MCOLN3: variants seen among roughly 807,000 people sequenced by gnomAD.
MCOLN3 encodes the protein mucolipin TRP cation channel 3, also known as mucolipin-3.
MCOLN3 carries 62 observed loss-of-function variants against 69.4 expected under a neutral mutation model. That is an observed-to-expected ratio of 0.89 (90% CI 0.73 to 1.10). MCOLN3 has a LOEUF of 1.10. Ranked by LOEUF, MCOLN3 falls within the 50% of genes least tolerant of loss-of-function variation. MCOLN3 has a pLI of 0.00. For synonymous variants in MCOLN3, 183 were observed against 217.0 expected (o/e 0.84, Z 1.38); for missense variants, 564 against 656.4 (o/e 0.86, Z 1.54).
intron 1 of MCOLN3, among the ~76,000 whole-genome samples, chr1:85,048,028 G>A (rs1046819996): frequency 6.6e-6 from 1 of 152,222 alleles, no homozygotes; most frequent in South Asian, 2.1e-4. Context: ...AGCCCCGGCC[G>A]GCATCCAAGC....
At position 85,034,225 on chromosome 1, in the gene MCOLN3, A is replaced by T; in HGVS notation, c.423T>A (p.Val141=). Residue 141 remains valine (V), a synonymous_variant, in exon 4 of 13, where the codon GTT becomes GTA. Transcript: ENST00000370589. The stretch of plus-strand genomic sequence containing the variant: ...CTTTGTTCTCATAAGCATGATTCCC[A>T]ACGGAGACATTGTATAGCTGCAAGT... ...NQYLQLYNVS[V]GNHAYENKGT... The T allele has an allele frequency of 6.2e-7, 1 of 1,614,190 alleles. No individual in the cohort carries two copies. Among genetic ancestry groups the T allele is most frequent in the Non-Finnish European group, 8.5e-7 (1 of 1,180,020 alleles).
chr1:85,043,643 T>C (rs1653191056), intron 2 of MCOLN3, among the ~76,000 whole-genome samples: 1 of 152,306 alleles, frequency 6.6e-6, no homozygotes, highest in South Asian at 2.1e-4. Flanking sequence ...TCATGTTCAA[T>C]TGATACAGGC....
At chr1:85,022,543 C>G (rs979592992) in intron 9 of MCOLN3, 143 bp from the exon 10 acceptor site, 1 of 579,896 alleles carries the variant, frequency 1.7e-6, no homozygotes, top group Admixed American at 3.4e-5. Flanking sequence ...TCTCATAAAG[C>G]TTACATTCTA....
At position 85,018,592 on chromosome 1, in the gene MCOLN3, G is replaced by A. The variant is rs546670764; in HGVS notation, c.*531C>T. ...TGGCCGTATCACATTGTTAGCTGGT[G>A]CGCTCTTATTCTGGTGCGCTCTTAT... is the stretch of plus-strand genomic sequence containing the variant. On this transcript the variant is annotated 3_prime_UTR_variant, in exon 13 of 13. Transcript: ENST00000370589. The A allele has an allele frequency of 6.6e-6, 1 of 152,592 alleles. No homozygotes were observed. Among genetic ancestry groups the A allele is most frequent in the Admixed American group, 6.5e-5 (1 of 15,298 alleles). The allele number at this position is 152,592 out of a possible 1,614,324, so 9.5% of individuals were successfully genotyped here. A position where few individuals can be genotyped will look rare whatever the true frequency, so the allele number is the denominator to read the frequency against.
intron 1 of MCOLN3, among the ~76,000 whole-genome samples, chr1:85,048,153 C>G (rs1278983510): frequency 1.3e-5 from 2 of 152,154 alleles, no homozygotes; most frequent in African/African-American, 4.8e-5. Context: ...CCGCCCAGCC[C>G]CGGGCAGGCC....
intron 3 of MCOLN3, among the ~76,000 whole-genome samples, chr1:85,038,951 C>T (rs577900758): frequency 6.6e-5 from 10 of 152,090 alleles, no homozygotes; most frequent in South Asian, 2.1e-4. Context: ...GCCAAGATTG[C>T]GCCACTGCAC....
chr1:85,041,063 CAT>C lies in MCOLN3; in HGVS notation c.341_342del (p.Tyr114CysfsTer7). 1 of 1,614,016 alleles carries C rather than the reference CAT, an allele frequency of 6.2e-7. No individual in the cohort carries two copies. Among genetic ancestry groups the C allele is most frequent in the Non-Finnish European group, 8.5e-7 (1 of 1,179,936 alleles). On this transcript the variant is annotated frameshift_variant, in exon 3 of 13. Transcript: ENST00000370589. LOFTEE classifies it high-confidence loss of function. ...TACACGTCACTTTGTGTGTACACTG[CAT>C]ATGTGTCATCCATTCGGTCCATATA... ...KGYMDRMDDT[Y>X]AVYTQSDVYD...
rs1238232439 is a variant in MCOLN3, at chr1:85,022,156, C to T, written c.1234G>A (p.Val412Ile). 7 of 1,614,028 alleles carry T rather than the reference C, an allele frequency of 4.3e-6. No homozygotes were observed. The highest frequency in any genetic ancestry group is 5.9e-6 in the Non-Finnish European group (7 of 1,179,996). Residue 412 changes from valine to isoleucine, a missense_variant, in exon 11 of 13, where the codon GTC becomes ATC. Coordinates refer to ENST00000370589, the MANE Select transcript of MCOLN3 (RefSeq NM_018298.11). ...GCTGCACAGCAGCAGAACCTGATGACATTGGGCAGCGCTGCCTGAAGGGTC... is the reference window on the plus strand; with the variant it reads ...GCTGCACAGCAGCAGAACCTGATGATATTGGGCAGCGCTGCCTGAAGGGTC... ...ILTLQAALPN[V>I]IRFCCCAAMI...
Position 85,022,176 on chromosome 1 carries a change from AG to A in MCOLN3, c.1213del (p.Leu405PhefsTer17), listed in dbSNP as rs866221125. On this transcript the variant is annotated frameshift_variant, in exon 11 of 13. Transcript: ENST00000370589. LOFTEE classifies it high-confidence loss of function. ...FAKYNLLILT[L>X]QAALPNVIRF... ...GATGACATTGGGCAGCGCTGCCTGA[AG>A]GGTCAAAATGAGGAGCTGGGAAAGT... The A allele has an allele frequency of 8.7e-6, 14 of 1,613,982 alleles. No homozygotes were observed. The highest frequency in any genetic ancestry group is 1.2e-5 in the Non-Finnish European group (14 of 1,179,982).
At chr1:85,044,771 A>T (rs1489804496) in intron 2 of MCOLN3, among the ~76,000 whole-genome samples, 1 of 152,200 alleles carries the variant, frequency 6.6e-6, no homozygotes, top group East Asian at 1.9e-4. Context: ...TTCCCAGGAA[A>T]CTAACTAGGA....
rs546564291 is a variant in MCOLN3, at chr1:85,045,481, A to C, written c.-2-119T>G. The C allele has an allele frequency of 2.2e-5, 16 of 730,666 alleles. No individual in the cohort carries two copies. In the African/African-American group the frequency reaches 2.8e-4, roughly 13 times the overall value. The allele number at this position is 730,666 out of a possible 1,614,324, so 45.3% of individuals were successfully genotyped here. On this transcript the variant is annotated intron_variant, in intron 1 of 12. Coordinates refer to ENST00000370589, the MANE Select transcript of MCOLN3 (RefSeq NM_018298.11). ...CATACAGAAGTCCTGGTTTCAAATA[A>C]GCACCATTGCTCTAAACTGCATTTT...
Position 85,048,386 on chromosome 1 carries a change from G to C in MCOLN3, c.-3+10C>G, listed in dbSNP as rs981542241. ...ACCCGACGCCCCGGGGCAGCGCCCCGCGGGCTCACCTGGGGGACAGCGGGG... is the reference window on the plus strand; with the variant it reads ...ACCCGACGCCCCGGGGCAGCGCCCCCCGGGCTCACCTGGGGGACAGCGGGG... On this transcript the variant is annotated intron_variant, in intron 1 of 12. Transcript: ENST00000370589. 1 of 151,846 alleles carries C rather than the reference G, an allele frequency of 6.6e-6. No homozygotes were observed. Among genetic ancestry groups the C allele is most frequent in the Non-Finnish European group, 1.5e-5 (1 of 67,934 alleles). 9.4% of individuals were successfully genotyped at this position (151,846 alleles called of 1,614,324 possible).
chr1:85,042,968 T>C (rs1653141826), intron 2 of MCOLN3, among the ~76,000 whole-genome samples: 1 of 152,246 alleles, frequency 6.6e-6, no homozygotes, highest in Admixed American at 6.5e-5. Context: ...AAACACCTTT[T>C]ACATGCTTAT....
At chr1:85,021,813 A>C (rs1478872623) in intron 11 of MCOLN3, among the ~76,000 whole-genome samples, 2 of 152,212 alleles carry the variant, frequency 1.3e-5, no homozygotes, top group African/African-American at 4.8e-5. Flanking sequence ...AAATTGACTA[A>C]ACTTGACTTC....
rs76173668 is a variant in MCOLN3, at chr1:85,022,729, A to G, written c.1096-329T>C. ...AAAGATCTGAAGGGAGGGAGGGAGA[A>G]GTCATGCAAAAATCTAGGGGAGAAG... is the stretch of plus-strand genomic sequence containing the variant. On this transcript the variant is annotated intron_variant, in intron 9 of 12. Transcript: ENST00000370589. 6.6e-3 allele frequency: 1,361 copies of G among 207,166 alleles called. 24 individuals carry two copies. Among genetic ancestry groups the G allele is most frequent in the African/African-American group, 0.031 (1,300 of 42,262 alleles). The allele number at this position is 207,166 out of a possible 1,614,324, so 12.8% of individuals were successfully genotyped here.
chr1:85,046,888 G>A (rs1653382908), intron 1 of MCOLN3, among the ~76,000 whole-genome samples: 1 of 152,156 alleles, frequency 6.6e-6, no homozygotes, highest in African/African-American at 2.4e-5. Flanking sequence ...GTGTTAAAAT[G>A]CCTGTCAAAG....
At chr1:85,022,038 A>G (rs1557680931) in intron 11 of MCOLN3, 32 bp downstream of exon 11, 1 of 1,601,566 alleles carries the variant, frequency 6.2e-7, no homozygotes, top group Non-Finnish European at 8.5e-7. Context: ...TAAAAGCTTA[A>G]TAGTAACAGG....
Position 85,032,746 on chromosome 1 carries a change from G to T in MCOLN3, c.682C>A (p.Gln228Lys). The T allele has an allele frequency of 6.2e-7, 1 of 1,614,070 alleles. No homozygotes were observed. Among genetic ancestry groups the T allele is most frequent in the African/African-American group, 1.3e-5 (1 of 75,060 alleles). ...GGGAGTTCTTGATGACGAACTGTCT[G>T]CAGATTAATGGCTTTCAGTTTAAAC... ...LQFKLKAINL[Q>K]TVRHQELPDC... Residue 228 changes from glutamine (Q) to lysine (K), a missense_variant, in exon 6 of 13, where the codon CAG becomes AAG. Physicochemically the swap from Gln to Lys is moderately conservative, Grantham distance 53 (BLOSUM62 1). Transcript: ENST00000370589.
chr1:85,032,930 G>C lies in MCOLN3; in HGVS notation c.577C>G (p.Pro193Ala). Residue 193 changes from proline to alanine, a missense_variant, in exon 5 of 13, where the codon CCT becomes GCT. Physicochemically the swap from Pro to Ala is conservative, Grantham distance 27. Coordinates refer to ENST00000370589, the MANE Select transcript of MCOLN3 (RefSeq NM_018298.11). Reference protein sequence around the residue: ...TECFFVEPDEPFHIGTPAENK... With the variant: ...TECFFVEPDEAFHIGTPAENK... ...TCTGCTGGTGTCCCAATGTGAAAAGGTTCATCTGGCTCCACAAAGAAACAC... is the reference window on the plus strand; with the variant it reads ...TCTGCTGGTGTCCCAATGTGAAAAGCTTCATCTGGCTCCACAAAGAAACAC... 1 of 1,614,004 alleles carries C rather than the reference G, an allele frequency of 6.2e-7. No homozygotes were observed. The highest frequency in any genetic ancestry group is 8.5e-7 in the Non-Finnish European group (1 of 1,180,026).
Sources: gnomAD v4.1 joint callset for allele counts (sites outside exome capture counted in the v4.1 genomes callset) on GRCh38, gnomAD v4.1.1 for gene constraint, MANE v1.5 for transcripts, NCBI Gene and HGNC (gene_info 2026-07-23, HGNC 2026-07-21) for gene names.